MPRIP: variants seen among roughly 807,000 people sequenced by gnomAD.
The protein encoded by MPRIP is myosin phosphatase Rho-interacting protein.
MPRIP carries 59 observed loss-of-function variants against 234.9 expected under a neutral mutation model. The observed-to-expected ratio is 0.25, with a 90% CI of 0.20 to 0.31. The LOEUF (loss-of-function observed/expected upper bound fraction) is 0.31. Among genes scored for constraint, MPRIP ranks in the 10% least tolerant of loss-of-function variants. MPRIP has a pLI of 1.00. For missense variants in MPRIP, 2,436 were observed against 3,071.0 expected, an observed-to-expected ratio of 0.79 and a Z score of 4.89; for synonymous variants, 1,144 against 1,263.9, an observed-to-expected ratio of 0.91 and a Z score of 2.01.
intron 14 of MPRIP, 134 bp from the exon 15 acceptor site, chr17:17,161,106 C>G: frequency 1.7e-6 from 1 of 576,178 alleles, no homozygotes; most frequent in South Asian, 2.6e-5. Context: ...AAGGCCATAT[C>G]AGCACATCTG....
In MPRIP at chr17:17,074,825, T is replaced by C. The variant is rs116881648; in HGVS notation, c.124-885T>C. 3.2e-3 allele frequency among the ~76,000 whole-genome samples: 483 copies of C among 152,338 alleles called. 2 individuals carry two copies. Among genetic ancestry groups the C allele is most frequent in the Middle Eastern group, 6.8e-3 (2 of 292 alleles). ...GGTGTATGTTAGTGCTTCATTCCTT[T>C]TTCTGGCTGAATAATGTTCCCTTGT... On this transcript the variant is annotated intron_variant, in intron 1 of 23. Transcript: ENST00000651222.
intron 3 of MPRIP, among the ~76,000 whole-genome samples, chr17:17,099,381 C>T (rs1450033367): frequency 6.6e-6 from 1 of 152,170 alleles, no homozygotes; most frequent in Non-Finnish European, 1.5e-5. Context: ...AAAAGTCCTC[C>T]TTTGGTTCAC....
At chr17:17,146,002 T>C in intron 9 of MPRIP, 34 bp from the exon 10 acceptor site, 1 of 1,607,108 alleles carries the variant, frequency 6.2e-7, no homozygotes, top group Non-Finnish European at 8.5e-7. Flanking sequence ...TAGAAGAGTT[T>C]CCTCTGAGCT....
At chr17:17,117,629 C>T (rs1047016659) in intron 3 of MPRIP, among the ~76,000 whole-genome samples, 1 of 152,226 alleles carries the variant, frequency 6.6e-6, no homozygotes, top group African/African-American at 2.4e-5. Flanking sequence ...GACATTTGGG[C>T]TGTTTCCACC....
chr17:17,156,240 G>A (rs1316003330), intron 13 of MPRIP, among the ~76,000 whole-genome samples: 4 of 152,244 alleles, frequency 2.6e-5, no homozygotes, highest in African/African-American at 4.8e-5. Flanking sequence ...GCGCCTCCAC[G>A]CTTGAGTGCC....
At chr17:17,114,691 T>G (rs1241210856) in intron 3 of MPRIP, among the ~76,000 whole-genome samples, 1 of 126,298 alleles carries the variant, frequency 7.9e-6, no homozygotes, top group Non-Finnish European at 1.7e-5. Context: ...CTCTCCTACC[T>G]TCTTCCCATC....
intron 1 of MPRIP, among the ~76,000 whole-genome samples, chr17:17,044,253 GAA>G (rs2088275407): frequency 1.3e-5 from 2 of 152,222 alleles, no homozygotes; most frequent in Admixed American, 6.5e-5. Context: ...GGGACGGATA[GAA>G]CTCATTTACC....
At chr17:17,132,295 G>C (rs532514532) in intron 5 of MPRIP, among the ~76,000 whole-genome samples, 2 of 152,178 alleles carry the variant, frequency 1.3e-5, no homozygotes, top group Admixed American at 1.3e-4. Flanking sequence ...CACTCCCCAC[G>C]TTCCTGGGGC....
chr17:17,141,259 A>G (rs1012231445), intron 7 of MPRIP, among the ~76,000 whole-genome samples: 2 of 152,160 alleles, frequency 1.3e-5, no homozygotes, highest in Non-Finnish European at 2.9e-5. Flanking sequence ...AGATCCCACC[A>G]CAATCGCTCA....
chr17:17,142,797 G>A (rs975212127), intron 8 of MPRIP, 32 bp downstream of exon 8: 2 of 1,605,918 alleles, frequency 1.2e-6, no homozygotes, highest in Non-Finnish European at 1.7e-6. Context: ...GCACCTCAGG[G>A]GTGGCTCGGG....
At position 17,164,483 on chromosome 17, in the gene MPRIP, CCTG is replaced by C; in HGVS notation, c.2899_2901del (p.Leu967del). The C allele has an allele frequency of 8.2e-7, 1 of 1,215,152 alleles. No homozygotes were observed. Among genetic ancestry groups the C allele is most frequent in the Non-Finnish European group, 1.0e-6 (1 of 952,544 alleles). 75.3% of individuals were successfully genotyped at this position (1,215,152 alleles called of 1,614,324 possible). A position where few individuals can be genotyped will look rare whatever the true frequency, so the allele number is the denominator to read the frequency against. ...AGCAGAAGCTCAAGAGTGCTGAGGC[CCTG>C]CTGCTGGAGAAGACGCAGGAGCTAC... On this transcript the variant is annotated inframe_deletion, in exon 16 of 24. Coordinates refer to ENST00000651222, the MANE Select transcript of MPRIP (RefSeq NM_001364716.4).
chr17:17,171,722 C>A lies in MPRIP; in HGVS notation c.6329C>A (p.Thr2110Lys), dbSNP rs369432976. 2 of 1,611,998 alleles carry A rather than the reference C, an allele frequency of 1.2e-6. No individual in the cohort carries two copies. Among genetic ancestry groups the A allele is most frequent in the African/African-American group, 2.7e-5 (2 of 74,820 alleles). ...AGTCCCTTTTGCATTTTGCAGGCCA[C>A]GTGCGAGCGAGGGTTTGCAGCAATG... is the stretch of plus-strand genomic sequence containing the variant. ...YQRDLESLKA[T>K]CERGFAAMEE... Residue 2110 changes from threonine to lysine, a missense_variant, in exon 17 of 24, where the codon ACG (threonine) becomes AAG (lysine). Around this residue, in one of 4 missense-constraint regions of MPRIP, gnomAD observed 1,998 missense variants for 2,520.3 expected, o/e 0.79. Coordinates refer to ENST00000651222, the MANE Select transcript of MPRIP (RefSeq NM_001364716.4).
chr17:17,043,609 G>T (rs1054794666), intron 1 of MPRIP, among the ~76,000 whole-genome samples: 5 of 152,154 alleles, frequency 3.3e-5, no homozygotes, highest in African/African-American at 1.2e-4. Flanking sequence ...TGTCAAACAG[G>T]GCTTTGAACT....
chr17:17,134,837 A>T (rs12601325), intron 5 of MPRIP, among the ~76,000 whole-genome samples: 13,311 of 152,240 alleles, frequency 0.087, 819 homozygotes, highest in East Asian at 0.18. Context: ...GTGAGACTGG[A>T]TGTATGGATC....
At chr17:17,090,646 A>T (rs1411168600) in intron 3 of MPRIP, among the ~76,000 whole-genome samples, 1 of 152,164 alleles carries the variant, frequency 6.6e-6, no homozygotes, top group Non-Finnish European at 1.5e-5. Context: ...AGCGTCTGTG[A>T]TCAGTGTAGA....
chr17:17,159,613 C>T (rs2045818403), intron 14 of MPRIP, among the ~76,000 whole-genome samples: 1 of 152,160 alleles, frequency 6.6e-6, no homozygotes, highest in Non-Finnish European at 1.5e-5. Context: ...ACAAGCTGGC[C>T]CCCGAACTAT....
intron 4 of MPRIP, 66 bp from the exon 5 acceptor site, chr17:17,131,551 G>A (rs2090596740): frequency 7.0e-7 from 1 of 1,420,578 alleles, no homozygotes; most frequent in African/African-American, 1.4e-5. Flanking sequence ...ACCCGGCAAG[G>A]GCCAGGGCTC....
chr17:17,103,447 G>A lies in MPRIP; in HGVS notation c.268-23255G>A, dbSNP rs147722721. 1.6e-3 allele frequency among the ~76,000 whole-genome samples: 242 copies of A among 152,316 alleles called. 1 individual carries two copies. The highest frequency in any genetic ancestry group is 3.0e-3 in the Non-Finnish European group (206 of 68,020). ...GTAAGCTGCCTAATTGGAGGTCCTG[G>A]TGGAGCTTAACCAGCTCACCTTGTG... On this transcript the variant is annotated intron_variant, in intron 3 of 23. Coordinates refer to ENST00000651222, the MANE Select transcript of MPRIP (RefSeq NM_001364716.4).
At chr17:17,168,265 C>G in intron 16 of MPRIP, 1 of 281,156 alleles carries the variant, frequency 3.6e-6, no homozygotes, top group Non-Finnish European at 6.9e-6. Flanking sequence ...CTTCCTGCCC[C>G]TGCCCCGGGA....
Sources: allele counts gnomAD v4.1 joint callset (sites outside exome capture counted in the v4.1 genomes callset), GRCh38; gene constraint gnomAD v4.1.1; regional missense constraint gnomAD v4.1.1; transcripts MANE v1.5; gene names NCBI Gene and HGNC (gene_info 2026-07-23, HGNC 2026-07-21).